ABCA12: variants seen among roughly 807,000 people sequenced by gnomAD.
ABCA12 encodes the protein glucosylceramide transporter ABCA12.
A neutral mutation model predicts 293.5 loss-of-function variants in ABCA12; 156 were observed. That is an observed-to-expected ratio of 0.53 (90% CI 0.47 to 0.61). ABCA12 has a LOEUF of 0.61. ABCA12 is among the 20% of genes least tolerant of loss of function. ABCA12 has a pLI of 0.00. For synonymous variants in ABCA12, 1,063 were observed against 1,108.0 expected (o/e 0.96, Z 0.81); for missense variants, 2,797 against 3,090.2 (o/e 0.91, Z 2.25).
At chr2:215,093,972 G>A (rs1003388843) in intron 2 of ABCA12, among the ~76,000 whole-genome samples, 4 of 152,030 alleles carry the variant, frequency 2.6e-5, no homozygotes, top group African/African-American at 4.8e-5. Flanking sequence ...AGGCCTAATA[G>A]CTACTCACCA....
chr2:214,975,648 G>T, intron 34 of ABCA12, 137 bp downstream of exon 34: 2 of 1,232,190 alleles, frequency 1.6e-6, no homozygotes, highest in Admixed American at 3.6e-5. Context: ...CAATCAAACT[G>T]TTCATTCCTT....
chr2:215,121,398 T>A (rs369495444), intron 1 of ABCA12, among the ~76,000 whole-genome samples: 3 of 152,202 alleles, frequency 2.0e-5, no homozygotes, highest in Non-Finnish European at 4.4e-5. Context: ...CAAACTTCCA[T>A]ATATAAAGTA....
At chr2:215,041,185 T>C (rs2106042684) in intron 7 of ABCA12, among the ~76,000 whole-genome samples, 1 of 152,298 alleles carries the variant, frequency 6.6e-6, no homozygotes, top group African/African-American at 2.4e-5. Flanking sequence ...ATATATACAA[T>C]TTTTGTCAGT....
chr2:215,084,381 A>T (rs1219666846), intron 2 of ABCA12, among the ~76,000 whole-genome samples: 1 of 152,202 alleles, frequency 6.6e-6, no homozygotes, highest in Non-Finnish European at 1.5e-5. Context: ...CCCTTTATTT[A>T]TCAAGTGGCA....
Position 215,011,971 on chromosome 2 carries a change from C to T in ABCA12, c.2121G>A (p.Gln707=), listed in dbSNP as rs1158882191. 2.5e-6 allele frequency: 4 copies of T among 1,613,476 alleles called. No homozygotes were observed. Among genetic ancestry groups the T allele is most frequent in the Non-Finnish European group, 3.4e-6 (4 of 1,179,760 alleles). The change falls in exon 16 of 53, where the codon CAG becomes CAA. Residue 707 remains glutamine (Q), a splice_region_variant and synonymous_variant. Transcript: ENST00000272895. ...GAACATTACTGGGTGACTTTGCTAC[C>T]TGTGTTAATGGAACACTTCTGGGCA... ...MHLPRSVPLT[Q]AMYRSNRMNT...
At chr2:215,094,069 A>G (rs1265714152) in intron 2 of ABCA12, among the ~76,000 whole-genome samples, 3 of 152,130 alleles carry the variant, frequency 2.0e-5, no homozygotes, top group Non-Finnish European at 2.9e-5. Context: ...AGCAAACTGA[A>G]CTCATTGTGT....
chr2:215,025,628 G>GTTTTTTTTTGTTTTTTGTTTTTTTT, intron 11 of ABCA12, 45 bp downstream of exon 11: 1 of 1,203,814 alleles, frequency 8.3e-7, no homozygotes, highest in Non-Finnish European at 1.2e-6. Flanking sequence ...TTGTCTTTTT[G>GTTTTTTTTTGTTTTTTGTTTTTTTT]TTTTTTTTTT....
At position 214,956,825 on chromosome 2, in the gene ABCA12, CAA is replaced by C. The variant is rs373508320; in HGVS notation, c.6118-49_6118-48del. 2,855 of 1,011,252 alleles carry C rather than the reference CAA, an allele frequency of 2.8e-3. 2 individuals carry two copies. The highest frequency in any genetic ancestry group is 8.4e-3 in the African/African-American group (505 of 60,160). The allele number at this position is 1,011,252 out of a possible 1,614,324, so 62.6% of individuals were successfully genotyped here. A position where few individuals can be genotyped will look rare whatever the true frequency, so the allele number is the denominator to read the frequency against. On this transcript the variant is annotated intron_variant, in intron 41 of 52. Coordinates refer to ENST00000272895, the MANE Select transcript of ABCA12 (RefSeq NM_173076.3). ...TGTTTAATACGTGACAAGCATTTTT[CAA>C]AAAAAAAAAAATCAATAACCCATCT... is the stretch of plus-strand genomic sequence containing the variant.
At chr2:215,095,344 A>G (rs1363368982) in intron 2 of ABCA12, among the ~76,000 whole-genome samples, 2 of 151,950 alleles carry the variant, frequency 1.3e-5, no homozygotes, top group Non-Finnish European at 2.9e-5. Flanking sequence ...GTCCTTTAAA[A>G]CCTGTTTTTC....
intron 2 of ABCA12, among the ~76,000 whole-genome samples, chr2:215,091,929 G>C (rs1313962930): frequency 2.0e-5 from 3 of 152,196 alleles, no homozygotes; most frequent in Non-Finnish European, 4.4e-5. Context: ...CCTAAGCTGT[G>C]TCCCGTCTGT....
At chr2:214,995,795 C>T (rs537642541) in intron 23 of ABCA12, among the ~76,000 whole-genome samples, 3 of 151,692 alleles carry the variant, frequency 2.0e-5, no homozygotes, top group African/African-American at 4.8e-5. Context: ...CCAAATAAAT[C>T]GTGACACCCT....
At chr2:215,074,956 A>T (rs1701806828) in intron 2 of ABCA12, among the ~76,000 whole-genome samples, 1 of 152,104 alleles carries the variant, frequency 6.6e-6, no homozygotes, top group South Asian at 2.1e-4. Context: ...AATAAAAATA[A>T]AAATAAATAA....
At chr2:215,003,972 T>C (rs1393864288) in intron 20 of ABCA12, among the ~76,000 whole-genome samples, 1 of 152,124 alleles carries the variant, frequency 6.6e-6, no homozygotes, top group African/African-American at 2.4e-5. Context: ...CTGGCCTACA[T>C]TATAATTATT....
intron 42 of ABCA12, 39 bp from the exon 43 acceptor site, chr2:214,955,400 G>A (rs567815824): frequency 1.5e-5 from 24 of 1,605,116 alleles, no homozygotes; most frequent in African/African-American, 4.0e-5. Flanking sequence ...ATTACGCCTC[G>A]GCCAGGCATG....
In ABCA12 at chr2:214,986,646, C is replaced by A; in HGVS notation, c.4059G>T (p.Lys1353Asn). The A allele has an allele frequency of 6.2e-7, 1 of 1,614,068 alleles. No individual in the cohort carries two copies. Residue 1353 changes from lysine (K) to asparagine (N), a missense_variant, in exon 28 of 53, where the codon AAG (lysine) becomes AAT (asparagine). By Grantham distance (94) the Lys-to-Asn change is moderately conservative. Coordinates refer to ENST00000272895, the MANE Select transcript of ABCA12 (RefSeq NM_173076.3). ...TVGVALHGVTKIYGSKVAVDN... is the reference protein window; with the variant it reads ...TVGVALHGVTNIYGSKVAVDN... ...CAACAGCAACTTTTGAGCCATAGAT[C>A]TTTGTGACCCCATGCAGGGCAACCC...
chr2:215,048,036 C>T (rs534555815), intron 6 of ABCA12, among the ~76,000 whole-genome samples: 2 of 149,140 alleles, frequency 1.3e-5, no homozygotes, highest in Non-Finnish European at 3.0e-5. Flanking sequence ...TTCAAAAGAA[C>T]ATATACCTAC....
intron 22 of ABCA12, among the ~76,000 whole-genome samples, chr2:214,999,289 A>T (rs1388270654): frequency 6.6e-6 from 1 of 152,176 alleles, no homozygotes; most frequent in Non-Finnish European, 1.5e-5. Context: ...GTTTCTTCCA[A>T]GTGATAGTGT....
chr2:214,954,157 C>G (rs1482942263), intron 43 of ABCA12, 50 bp from the exon 44 acceptor site: 4 of 1,597,908 alleles, frequency 2.5e-6, no homozygotes, highest in Non-Finnish European at 3.4e-6. Context: ...TTCCAAAAAG[C>G]TGACAAAAAT....
intron 6 of ABCA12, among the ~76,000 whole-genome samples, chr2:215,048,443 C>A (rs1328637743): frequency 6.6e-6 from 1 of 151,906 alleles, no homozygotes; most frequent in Non-Finnish European, 1.5e-5. Flanking sequence ...GTCTATAATC[C>A]CAGCACTTTG....
Sources: allele counts gnomAD v4.1 joint callset (sites outside exome capture counted in the v4.1 genomes callset), GRCh38; gene constraint gnomAD v4.1.1; transcripts MANE v1.5; gene names NCBI Gene and HGNC (gene_info 2026-07-23, HGNC 2026-07-21).